The following NLGN1 variants were observed in gnomAD, a reference collection of about 807,000 sequenced individuals.
NLGN1 encodes neuroligin-1.
In NLGN1, 12 loss-of-function variants were observed where a neutral mutation model predicts 65.5. The observed-to-expected ratio is 0.18, with a 90% CI of 0.12 to 0.30. The LOEUF is 0.30. NLGN1 is among the 10% of genes least tolerant of loss of function. The pLI is 1.00. For missense variants in NLGN1, 750 were observed against 1,007.1 expected (o/e 0.74, Z 3.46); for synonymous variants, 350 against 359.5 (o/e 0.97, Z 0.30).
At chr3:173,622,826 TTTA>T (rs1754217594) in intron 3 of NLGN1, among the ~76,000 whole-genome samples, 1 of 152,118 alleles carries the variant, frequency 6.6e-6, no homozygotes, top group African/African-American at 2.4e-5. Context: ...AGAATAATTA[TTTA>T]TTGTTTGATA....
chr3:174,220,117 A>C (rs1738366143), intron 4 of NLGN1, among the ~76,000 whole-genome samples: 1 of 152,104 alleles, frequency 6.6e-6, no homozygotes, highest in African/African-American at 2.4e-5. Context: ...CCTTGCCCTG[A>C]GAGTCCAAAG....
intron 4 of NLGN1, among the ~76,000 whole-genome samples, chr3:173,996,612 C>G (rs1021130568): frequency 6.6e-6 from 1 of 152,138 alleles, no homozygotes; most frequent in Admixed American, 6.6e-5. Flanking sequence ...CTGAAGAGAC[C>G]GTTTTACACA....
chr3:173,950,050 G>A lies in NLGN1; in HGVS notation c.646+142218G>A, dbSNP rs565911945. 9.9e-5 allele frequency among the ~76,000 whole-genome samples: 15 copies of A among 152,256 alleles called. No homozygotes were observed. In the South Asian group the frequency reaches 2.7e-3, roughly 27 times the overall value. On this transcript the variant is annotated intron_variant, in intron 4 of 6. Coordinates refer to ENST00000457714, the Ensembl canonical transcript of NLGN1. Reference sequence around the variant, plus strand: ...TGGGACCACACGATCACTTTATAATGAGATTTAGTATCCTTTTGTAGTTAA... The same window carrying A: ...TGGGACCACACGATCACTTTATAATAAGATTTAGTATCCTTTTGTAGTTAA...
At chr3:173,639,183 G>A (rs1466272421) in intron 3 of NLGN1, among the ~76,000 whole-genome samples, 1 of 152,186 alleles carries the variant, frequency 6.6e-6, no homozygotes, top group Non-Finnish European at 1.5e-5. Flanking sequence ...AAATATTCAA[G>A]CAATAAACAA....
In NLGN1 at chr3:174,041,443, G is replaced by A. The variant is rs539641586; in HGVS notation, c.646+233611G>A. Among the ~76,000 whole-genome samples, 55 of 152,216 alleles carry A rather than the reference G, an allele frequency of 3.6e-4. No individual in the cohort carries two copies. In the South Asian group the frequency reaches 9.1e-3, roughly 25 times the overall value. On this transcript the variant is annotated intron_variant, in intron 4 of 6. Coordinates refer to ENST00000457714, the Ensembl canonical transcript of NLGN1. ...ACTATTATAAATAAAACTGCTATGA[G>A]TGTTATTGTACAAATATTTTTGTGA... is the stretch of plus-strand genomic sequence containing the variant.
intron 3 of NLGN1, among the ~76,000 whole-genome samples, chr3:173,761,855 A>G (rs1778013362): frequency 6.6e-6 from 1 of 152,098 alleles, no homozygotes. Context: ...AGTGAATATC[A>G]AGGCAAATCT....
At chr3:173,539,715 T>TGTGCATATGCACATATATACATATAG (rs1560406844) in intron 2 of NLGN1, among the ~76,000 whole-genome samples, 5 of 123,028 alleles carry the variant, frequency 4.1e-5, no homozygotes, top group Admixed American at 1.7e-4. Flanking sequence ...TATACATATA[T>TGTGCATATGCACATATATACATATAG]GTACATATGC....
At chr3:173,625,863 T>C (rs573728694) in intron 3 of NLGN1, among the ~76,000 whole-genome samples, 1 of 152,196 alleles carries the variant, frequency 6.6e-6, no homozygotes, top group Non-Finnish European at 1.5e-5. Context: ...GAGCTCAGTA[T>C]AAAATTGAAA....
chr3:173,711,289 G>T (rs149496462), intron 3 of NLGN1, among the ~76,000 whole-genome samples: 9 of 152,266 alleles, frequency 5.9e-5, no homozygotes, highest in East Asian at 5.8e-4. Flanking sequence ...AGTGGGCTTG[G>T]TAATTTGTTT....
At chr3:173,933,835 C>A (rs1744567750) in intron 4 of NLGN1, among the ~76,000 whole-genome samples, 1 of 152,036 alleles carries the variant, frequency 6.6e-6, no homozygotes, top group Admixed American at 6.6e-5. Context: ...GTTAATCTCA[C>A]ATGTATCTCT....
intron 4 of NLGN1, among the ~76,000 whole-genome samples, chr3:173,843,272 G>A (rs1488396300): frequency 2.0e-5 from 3 of 152,198 alleles, no homozygotes; most frequent in Admixed American, 2.0e-4. Flanking sequence ...CCTGTGATGG[G>A]AGGGGCTGCC....
chr3:174,080,248 G>C (rs867417055), intron 4 of NLGN1, among the ~76,000 whole-genome samples: 1 of 151,980 alleles, frequency 6.6e-6, no homozygotes, highest in African/African-American at 2.4e-5. Context: ...TTCTGTTACC[G>C]GCAGCAAATC....
At chr3:173,576,528 A>G (rs6766055) in intron 2 of NLGN1, among the ~76,000 whole-genome samples, 56,096 of 151,992 alleles carry the variant, frequency 0.37, 12,146 homozygotes, top group East Asian at 0.73. Flanking sequence ...TCGTCTTCTA[A>G]GCTAAGAGTG....
At chr3:174,190,702 G>A (rs1163805270) in intron 4 of NLGN1, among the ~76,000 whole-genome samples, 1 of 152,044 alleles carries the variant, frequency 6.6e-6, no homozygotes, top group Non-Finnish European at 1.5e-5. Flanking sequence ...TTACATGCAA[G>A]TGCTGCTTTG....
intron 4 of NLGN1, among the ~76,000 whole-genome samples, chr3:174,113,629 A>G (rs1715714868): frequency 6.6e-6 from 1 of 152,036 alleles, no homozygotes; most frequent in Admixed American, 6.6e-5. Context: ...TAGAATATTC[A>G]CTTAATTTTT....
chr3:173,444,268 A>G (rs1395886923), intron 2 of NLGN1, among the ~76,000 whole-genome samples: 1 of 152,218 alleles, frequency 6.6e-6, no homozygotes, highest in Non-Finnish European at 1.5e-5. Flanking sequence ...TGCCTAGATA[A>G]AACGATAGAT....
chr3:174,196,784 GA>G (rs1267227856), intron 4 of NLGN1, among the ~76,000 whole-genome samples: 1 of 152,072 alleles, frequency 6.6e-6, no homozygotes, highest in African/African-American at 2.4e-5. Flanking sequence ...ACAATGTATA[GA>G]AAAAAATAGC....
chr3:174,088,097 T>C (rs1431187856), intron 4 of NLGN1, among the ~76,000 whole-genome samples: 2 of 152,186 alleles, frequency 1.3e-5, no homozygotes, highest in Admixed American at 6.5e-5. Context: ...TGCCAAGATA[T>C]AAAATAAAGT....
rs574044184 is a variant in NLGN1, at chr3:173,850,049, A to G, written c.646+42217A>G. 2.0e-4 allele frequency among the ~76,000 whole-genome samples: 30 copies of G among 152,288 alleles called. No individual in the cohort carries two copies. The Middle Eastern group carries it at 0.024, about 121-fold the overall frequency. On this transcript the variant is annotated intron_variant, in intron 4 of 6. Coordinates refer to ENST00000457714, the Ensembl canonical transcript of NLGN1. ...GTAATATTTGCTGTAGAAAATTCAAATAATACAGAAAAATATAGAGAGAAG... is the reference window on the plus strand; with the variant it reads ...GTAATATTTGCTGTAGAAAATTCAAGTAATACAGAAAAATATAGAGAGAAG...
Sources: allele counts gnomAD v4.1 joint callset (sites outside exome capture counted in the v4.1 genomes callset), GRCh38; gene constraint gnomAD v4.1.1; transcripts MANE v1.5; gene names NCBI Gene and HGNC (gene_info 2026-07-23, HGNC 2026-07-21).